Variants in NR5A2 observed in about 807,000 individuals in gnomAD.
The protein encoded by NR5A2 is nuclear receptor subfamily 5 group A member 2.
Under a neutral mutation model 62.7 loss-of-function variants are expected in NR5A2, and 26 were observed. The ratio of observed to expected loss-of-function variants is 0.41; its 90% CI spans 0.30 to 0.58. The LOEUF is 0.58. Ranked by LOEUF, NR5A2 falls within the 20% of genes least tolerant of loss-of-function variation. The pLI is 0.22. For missense variants in NR5A2, 541 were observed against 669.1 expected (o/e 0.81, Z 2.11); for synonymous variants, 246 against 241.7 (o/e 1.02, Z -0.16).
intron 7 of NR5A2, among the ~76,000 whole-genome samples, chr1:200,166,286 A>G (rs1181298681): frequency 6.6e-6 from 1 of 152,176 alleles, no homozygotes; most frequent in East Asian, 1.9e-4. Flanking sequence ...GTACAATACA[A>G]TTGGAAGGGG....
intron 5 of NR5A2, among the ~76,000 whole-genome samples, chr1:200,096,763 A>G (rs1319676155): frequency 6.6e-6 from 1 of 152,186 alleles, no homozygotes; most frequent in African/African-American, 2.4e-5. Context: ...ATAATAATGT[A>G]TTTTTACTGC....
At chr1:200,089,939 C>A (rs949880781) in intron 5 of NR5A2, among the ~76,000 whole-genome samples, 2 of 152,210 alleles carry the variant, frequency 1.3e-5, no homozygotes, top group African/African-American at 4.8e-5. Flanking sequence ...TCTCACCTGC[C>A]AAACTCAAAG....
chr1:200,139,047 A>G (rs1182837461), intron 7 of NR5A2, among the ~76,000 whole-genome samples: 1 of 152,206 alleles, frequency 6.6e-6, no homozygotes, highest in Non-Finnish European at 1.5e-5. Context: ...AACATAGTTC[A>G]TCTTTCCTTT....
chr1:200,043,796 TTACTCC>T lies in NR5A2; in HGVS notation c.228_233del (p.Ser77_Tyr78del). ...CAGTGTCTCAATTTAAAATGGTGAA[TTACTCC>T]TATGATGAAGATCTGGAAGAGCTTT... On this transcript the variant is annotated inframe_deletion, in exon 3 of 8. Coordinates refer to ENST00000367362, the MANE Select transcript of NR5A2 (RefSeq NM_205860.3). 1 of 1,612,416 alleles carries T rather than the reference TTACTCC, an allele frequency of 6.2e-7. No individual in the cohort carries two copies.
intron 5 of NR5A2, among the ~76,000 whole-genome samples, chr1:200,066,950 A>G (rs1558117874): frequency 1.3e-5 from 2 of 152,366 alleles, no homozygotes; most frequent in East Asian, 1.9e-4. Flanking sequence ...TTCCTTCTGC[A>G]TCACGTGTCA....
intron 7 of NR5A2, among the ~76,000 whole-genome samples, chr1:200,161,586 A>G (rs1255046804): frequency 6.6e-6 from 1 of 152,194 alleles, no homozygotes; most frequent in African/African-American, 2.4e-5. Context: ...ACTTCACAAC[A>G]TCAAACATAT....
intron 5 of NR5A2, among the ~76,000 whole-genome samples, chr1:200,076,863 T>C (rs1664064698): frequency 6.6e-6 from 1 of 152,192 alleles, no homozygotes; most frequent in African/African-American, 2.4e-5. Context: ...ACAAAGGAAC[T>C]TCCACTAACT....
intron 7 of NR5A2, among the ~76,000 whole-genome samples, chr1:200,121,323 A>G (rs543023730): frequency 6.6e-6 from 1 of 152,340 alleles, no homozygotes; most frequent in African/African-American, 2.4e-5. Context: ...GGTAATTTCT[A>G]TGTGCCTTTC....
intron 5 of NR5A2, among the ~76,000 whole-genome samples, chr1:200,066,586 A>ATTTTTTTTTTTTT (rs1663480896): frequency 5.7e-5 from 5 of 87,770 alleles, no homozygotes; most frequent in African/African-American, 2.3e-4. Flanking sequence ...TTAATTAATT[A>ATTTTTTTTTTTTT]TCTTTTTTTT....
intron 5 of NR5A2, among the ~76,000 whole-genome samples, chr1:200,080,830 A>G (rs1454692420): frequency 1.3e-5 from 2 of 152,230 alleles, no homozygotes; most frequent in African/African-American, 4.8e-5. Flanking sequence ...AACAAATTGC[A>G]AATACTTTTC....
chr1:200,077,511 C>G (rs985861559), intron 5 of NR5A2, among the ~76,000 whole-genome samples: 16 of 152,128 alleles, frequency 1.1e-4, no homozygotes, highest in African/African-American at 3.6e-4. Context: ...GTCAGGAGTT[C>G]AAGACCAGCC....
chr1:200,148,588 A>G (rs907704626), intron 7 of NR5A2, among the ~76,000 whole-genome samples: 4 of 152,216 alleles, frequency 2.6e-5, no homozygotes, highest in African/African-American at 4.8e-5. Context: ...GGATACATAC[A>G]TAAGGATATG....
chr1:200,094,731 G>C (rs185626510), intron 5 of NR5A2, among the ~76,000 whole-genome samples: 1 of 151,242 alleles, frequency 6.6e-6, no homozygotes, highest in Non-Finnish European at 1.5e-5. Context: ...ACGGGGTTTC[G>C]CTGTGCTAGC....
At chr1:200,068,251 C>T (rs1663585996) in intron 5 of NR5A2, among the ~76,000 whole-genome samples, 1 of 152,142 alleles carries the variant, frequency 6.6e-6, no homozygotes, top group South Asian at 2.1e-4. Context: ...AGAGCAGTGT[C>T]AGGGTTTGGA....
intron 5 of NR5A2, among the ~76,000 whole-genome samples, chr1:200,068,295 T>C (rs1663587443): frequency 6.6e-6 from 1 of 152,158 alleles, no homozygotes; most frequent in Admixed American, 6.5e-5. Flanking sequence ...ATCTACAAAA[T>C]TACAGATGAG....
At chr1:200,141,419 A>C (rs1168196433) in intron 7 of NR5A2, among the ~76,000 whole-genome samples, 1 of 152,196 alleles carries the variant, frequency 6.6e-6, no homozygotes, top group Non-Finnish European at 1.5e-5. Context: ...CCTAAGATTC[A>C]TCCATAAGTG....
In NR5A2 at chr1:200,130,323, A is replaced by AG. The variant is rs1472944333; in HGVS notation, c.1378+9368_1378+9369insG. On this transcript the variant is annotated intron_variant, in intron 7 of 7. Coordinates refer to ENST00000367362, the MANE Select transcript of NR5A2 (RefSeq NM_205860.3). ...AAGAAGAAGAAGAAGAAGAAGAAGA[A>AG]AAAAAAAATCCAACAGAGAAATTTG... Among the ~76,000 whole-genome samples, 25 of 127,512 alleles carry AG rather than the reference A, an allele frequency of 2.0e-4. 1 individual carries two copies. In the Middle Eastern group the frequency reaches 0.02, roughly 100 times the overall value. 83.7% of individuals were successfully genotyped at this position (127,512 alleles called of 152,430 possible).
intron 5 of NR5A2, among the ~76,000 whole-genome samples, chr1:200,066,078 A>G (rs554332378): frequency 6.6e-6 from 1 of 152,184 alleles, no homozygotes; most frequent in Non-Finnish European, 1.5e-5. Flanking sequence ...AATTCTCAGT[A>G]GAAAAACTAT....
At chr1:200,036,716 G>A (rs1269196068) in intron 1 of NR5A2, among the ~76,000 whole-genome samples, 2 of 152,114 alleles carry the variant, frequency 1.3e-5, no homozygotes, top group African/African-American at 4.8e-5. Flanking sequence ...GTTTCCCATC[G>A]TCGAGTTAAA....
Sources: allele counts gnomAD v4.1 joint callset (sites outside exome capture counted in the v4.1 genomes callset), GRCh38; gene constraint gnomAD v4.1.1; transcripts MANE v1.5; gene names NCBI Gene and HGNC (gene_info 2026-07-23, HGNC 2026-07-21).